The following CPLX1 variants were observed in gnomAD, a reference collection of about 807,000 sequenced individuals.
CPLX1 encodes the protein complexin-1.
Under a neutral mutation model 15.6 loss-of-function variants are expected in CPLX1, and 6 were observed. That is an observed-to-expected ratio of 0.39 (90% CI 0.21 to 0.76). The LOEUF (loss-of-function observed/expected upper bound fraction) is 0.76. Ranked by LOEUF, CPLX1 falls within the 30% of genes least tolerant of loss-of-function variation. The pLI is 0.43. For synonymous variants in CPLX1, 91 were observed against 75.2 expected, an observed-to-expected ratio of 1.21 and a Z score of -1.08; for missense variants, 242 against 188.6, an observed-to-expected ratio of 1.28 and a Z score of -1.66.
At chr4:818,073 G>C (rs190640864) in intron 2 of CPLX1, among the ~76,000 whole-genome samples, 1 of 152,344 alleles carries the variant, frequency 6.6e-6, no homozygotes, top group Admixed American at 6.5e-5. Flanking sequence ...AAGAAGGTTG[G>C]CTTTTGGCTC....
At chr4:822,821 G>A (rs1000757656) in intron 2 of CPLX1, among the ~76,000 whole-genome samples, 10 of 152,094 alleles carry the variant, frequency 6.6e-5, no homozygotes, top group African/African-American at 1.2e-4. Context: ...ACAAGGTCTC[G>A]ACTGGAAGCC....
intron 2 of CPLX1, among the ~76,000 whole-genome samples, chr4:813,363 C>T (rs562392109): frequency 2.0e-5 from 3 of 151,568 alleles, no homozygotes; most frequent in South Asian, 2.1e-4. Flanking sequence ...AGATTGGGGA[C>T]GATGGAAAGC....
intron 2 of CPLX1, among the ~76,000 whole-genome samples, chr4:814,730 C>T (rs1746718234): frequency 6.6e-6 from 1 of 152,240 alleles, no homozygotes; most frequent in Non-Finnish European, 1.5e-5. Flanking sequence ...GGTTGGAGTC[C>T]CTGTGCCAGA....
chr4:799,452 G>A (rs577594002), intron 2 of CPLX1, among the ~76,000 whole-genome samples: 3 of 152,256 alleles, frequency 2.0e-5, no homozygotes, highest in South Asian at 2.1e-4. Flanking sequence ...CCAGCTCCAC[G>A]GGGTGGAAGC....
At chr4:790,012 C>T (rs1477535837) in intron 3 of CPLX1, among the ~76,000 whole-genome samples, 1 of 87,264 alleles carries the variant, frequency 1.1e-5, no homozygotes, top group Non-Finnish European at 2.3e-5. Flanking sequence ...CAACAGGTGG[C>T]CACGCCTGAG....
At chr4:813,657 G>A (rs1746700639) in intron 2 of CPLX1, among the ~76,000 whole-genome samples, 1 of 152,136 alleles carries the variant, frequency 6.6e-6, no homozygotes, top group South Asian at 2.1e-4. Context: ...AAAACAGAGA[G>A]TTCATGGAAT....
At chr4:804,886 G>A (rs1746525835) in intron 2 of CPLX1, 9 of 985,294 alleles carry the variant, frequency 9.1e-6, no homozygotes, top group Middle Eastern at 1.0e-3. Flanking sequence ...CAGCCATTTT[G>A]GAACGCAGGC....
chr4:809,475 C>G (rs1276737656), intron 2 of CPLX1, among the ~76,000 whole-genome samples: 1 of 151,998 alleles, frequency 6.6e-6, no homozygotes, highest in Non-Finnish European at 1.5e-5. Context: ...TGCTGAGCCT[C>G]TGCCCTGCCT....
chr4:794,703 T>C (rs1377915506), intron 2 of CPLX1, among the ~76,000 whole-genome samples: 1 of 152,216 alleles, frequency 6.6e-6, no homozygotes, highest in East Asian at 1.9e-4. Context: ...GACCCGTGGC[T>C]CTTTCTCCCT....
chr4:811,135 GACA>G (rs1453795055), intron 2 of CPLX1, among the ~76,000 whole-genome samples: 2 of 152,090 alleles, frequency 1.3e-5, no homozygotes, highest in Admixed American at 6.6e-5. Flanking sequence ...AAGTAGTTCA[GACA>G]ACAAGGGCAC....
At position 786,172 on chromosome 4, in the gene CPLX1, A is replaced by C; in HGVS notation, c.*329T>G. 5.3e-6 allele frequency: 1 copy of C among 190,310 alleles called. No homozygotes were observed. Among genetic ancestry groups the C allele is most frequent in the Non-Finnish European group, 1.1e-5 (1 of 93,536 alleles). The allele number at this position is 190,310 out of a possible 1,614,324, so 11.8% of individuals were successfully genotyped here. A position where few individuals can be genotyped will look rare whatever the true frequency, so the allele number is the denominator to read the frequency against. On this transcript the variant is annotated 3_prime_UTR_variant, in exon 4 of 4. Coordinates refer to ENST00000304062, the MANE Select transcript of CPLX1 (RefSeq NM_006651.4). ...GCCCGACAGGCGCCCACCGCCGCGA[A>C]CGCGCGCACAGGGGTGGTCGCGGGG...
intron 3 of CPLX1, chr4:788,129 A>G (rs1320600856): frequency 1.0e-6 from 1 of 985,098 alleles, no homozygotes; most frequent in Non-Finnish European, 1.2e-6. Flanking sequence ...GCCCAGGAGG[A>G]GCCCCTCCCC....
At chr4:808,253 TAAATAA>T (rs1373018308) in intron 2 of CPLX1, among the ~76,000 whole-genome samples, 7 of 123,414 alleles carry the variant, frequency 5.7e-5, no homozygotes, top group South Asian at 2.5e-4. Flanking sequence ...AATAAATAAA[TAAATAA>T]AAATAAATAA....
Position 824,425 on chromosome 4 carries a change from G to A in CPLX1, c.31+67C>T. The A allele has an allele frequency of 2.1e-6, 3 of 1,416,816 alleles. 1 individual carries two copies. Among genetic ancestry groups the A allele is most frequent in the Middle Eastern group, 3.6e-4 (2 of 5,570 alleles). 87.8% of individuals were successfully genotyped at this position (1,416,816 alleles called of 1,614,324 possible). A position where few individuals can be genotyped will look rare whatever the true frequency, so the allele number is the denominator to read the frequency against. Reference sequence around the variant, plus strand: ...GCGCTGCTGCGGTGGGCCAGATGAGGAGCAGCTGCTGTGGTGGTCTCTCCA... The same window carrying A: ...GCGCTGCTGCGGTGGGCCAGATGAGAAGCAGCTGCTGTGGTGGTCTCTCCA... On this transcript the variant is annotated intron_variant, in intron 2 of 3. Transcript: ENST00000304062.
intron 2 of CPLX1, 114 bp from the exon 3 acceptor site, chr4:792,722 G>A (rs1746222229): frequency 1.8e-6 from 2 of 1,136,756 alleles, no homozygotes; most frequent in Admixed American, 2.6e-5. Context: ...CCATCCACTC[G>A]ACCCTCTGGC....
intron 2 of CPLX1, among the ~76,000 whole-genome samples, chr4:795,503 G>A (rs1157572264): frequency 6.6e-6 from 1 of 152,216 alleles, no homozygotes; most frequent in Non-Finnish European, 1.5e-5. Context: ...GGGACACCCC[G>A]ACTCTGATTG....
intron 3 of CPLX1, among the ~76,000 whole-genome samples, chr4:790,660 G>T (rs934861275): frequency 6.6e-6 from 1 of 152,226 alleles, no homozygotes; most frequent in East Asian, 1.9e-4. Flanking sequence ...AGCAGAGGCC[G>T]GAGCCCAGGG....
intron 3 of CPLX1, chr4:787,768 G>A: frequency 1.0e-6 from 1 of 984,990 alleles, no homozygotes. Flanking sequence ...GCCTCCCCAC[G>A]CCACACTCCT....
At chr4:804,868 G>T (rs1042942725) in intron 2 of CPLX1, 139 of 985,370 alleles carry the variant, frequency 1.4e-4, no homozygotes, top group Non-Finnish European at 1.6e-4. Flanking sequence ...GGGAAAGGTG[G>T]GCGGCGGCAG....
Sources: gnomAD v4.1 joint callset for allele counts (sites outside exome capture counted in the v4.1 genomes callset) on GRCh38, gnomAD v4.1.1 for gene constraint, MANE v1.5 for transcripts, NCBI Gene and HGNC (gene_info 2026-07-23, HGNC 2026-07-21) for gene names.